Variants in GALNT13 observed in about 807,000 individuals in gnomAD.
The protein encoded by GALNT13 is UDP-GalNAc:polypeptide N-acetylgalactosaminyltransferase 13.
GALNT13 carries 28 observed loss-of-function variants against 64.2 expected under a neutral mutation model. The observed-to-expected ratio is 0.44, with a 90% confidence interval of 0.32 to 0.60. GALNT13 has a LOEUF of 0.60. Among genes scored for constraint, GALNT13 ranks in the 20% least tolerant of loss-of-function variants. GALNT13 has a pLI of 0.05. For synonymous variants in GALNT13, 214 were observed against 224.6 expected (o/e 0.95, Z 0.42); for missense variants, 577 against 669.8 (o/e 0.86, Z 1.53).
chr2:154,446,496 C>G, intron 12 of GALNT13: 1 of 1,410,074 alleles, frequency 7.1e-7, no homozygotes, highest in Non-Finnish European at 9.4e-7. Context: ...TTGCATGTTG[C>G]CTAGGATGAT....
At chr2:154,114,637 A>G (rs1194651614) in intron 3 of GALNT13, among the ~76,000 whole-genome samples, 3 of 152,242 alleles carry the variant, frequency 2.0e-5, no homozygotes, top group African/African-American at 7.2e-5. Flanking sequence ...CTGGGTCTGT[A>G]AACTGGATCA....
At chr2:154,023,326 T>A (rs778966988) in intron 3 of GALNT13, among the ~76,000 whole-genome samples, 1 of 152,188 alleles carries the variant, frequency 6.6e-6, no homozygotes, top group Non-Finnish European at 1.5e-5. Flanking sequence ...TGTGGGAGTA[T>A]AAGTCTCTTT....
the GALNT13 span, among the ~76,000 whole-genome samples, chr2:153,587,520 G>C: frequency 6.6e-6 from 1 of 152,168 alleles, no homozygotes; most frequent in Admixed American, 6.5e-5. Context: ...AGCAGGCAAA[G>C]AGAGAGAACT....
the GALNT13 span, among the ~76,000 whole-genome samples, chr2:153,190,583 A>G: frequency 1.3e-5 from 2 of 151,990 alleles, no homozygotes; most frequent in East Asian, 3.8e-4. Context: ...TTGGTTTCAT[A>G]CAAATTTTAG....
the GALNT13 span, among the ~76,000 whole-genome samples, chr2:153,572,614 T>C: frequency 6.6e-6 from 1 of 151,982 alleles, no homozygotes; most frequent in Non-Finnish European, 1.5e-5. Context: ...GCTTTTGCTG[T>C]ATCCCATAGG....
At chr2:153,864,381 A>G in the GALNT13 span, among the ~76,000 whole-genome samples, 2 of 152,344 alleles carry the variant, frequency 1.3e-5, no homozygotes, top group African/African-American at 4.8e-5. Flanking sequence ...TTAACTGTTC[A>G]TCAATAAATG....
intron 3 of GALNT13, among the ~76,000 whole-genome samples, chr2:153,987,142 C>T (rs1157889461): frequency 6.6e-6 from 1 of 151,874 alleles, no homozygotes; most frequent in African/African-American, 2.4e-5. Flanking sequence ...TAGATTGGAT[C>T]TAAAGGATAA....
At chr2:153,282,694 G>T in the GALNT13 span, among the ~76,000 whole-genome samples, 1 of 152,134 alleles carries the variant, frequency 6.6e-6, no homozygotes. Context: ...AGAATTACAG[G>T]TATGAGCCAC....
At chr2:154,399,670 CACT>C (rs1193496348) in intron 10 of GALNT13, among the ~76,000 whole-genome samples, 3 of 152,074 alleles carry the variant, frequency 2.0e-5, no homozygotes, top group Non-Finnish European at 4.4e-5. Context: ...CTCTTAATAC[CACT>C]ACAATGGGGA....
intron 6 of GALNT13, among the ~76,000 whole-genome samples, chr2:154,243,559 A>C (rs1393809431): frequency 6.6e-6 from 1 of 152,248 alleles, no homozygotes; most frequent in Non-Finnish European, 1.5e-5. Context: ...ACACATTTTG[A>C]AATCTGGAAA....
chr2:153,434,257 C>G, the GALNT13 span, among the ~76,000 whole-genome samples: 1 of 152,072 alleles, frequency 6.6e-6, no homozygotes, highest in Non-Finnish European at 1.5e-5. Context: ...GGTTCCAAGT[C>G]TTTGCTATTG....
At chr2:154,021,993 G>A (rs1363125806) in intron 3 of GALNT13, among the ~76,000 whole-genome samples, 3 of 152,100 alleles carry the variant, frequency 2.0e-5, no homozygotes, top group South Asian at 2.1e-4. Flanking sequence ...CTGTTTATAT[G>A]CTGGATTACA....
Position 154,039,992 on chromosome 2 carries a change from A to T in GALNT13, c.142+95353A>T, listed in dbSNP as rs897478030. 1.2e-4 allele frequency among the ~76,000 whole-genome samples: 17 copies of T among 140,858 alleles called. 1 individual carries two copies. The highest frequency in any genetic ancestry group is 4.1e-4 in the African/African-American group (17 of 41,024). 92.4% of individuals were successfully genotyped at this position (140,858 alleles called of 152,430 possible). A position where few individuals can be genotyped will look rare whatever the true frequency, so the allele number is the denominator to read the frequency against. On this transcript the variant is annotated intron_variant, in intron 3 of 12. Transcript: ENST00000392825. ...TAGCTTACTCTGGCCTCTTATGTTG[A>T]CAAACTGTGTTTTTTAAGTTCACTT...
the GALNT13 span, among the ~76,000 whole-genome samples, chr2:153,528,889 C>G: frequency 6.6e-6 from 1 of 151,694 alleles, no homozygotes; most frequent in Non-Finnish European, 1.5e-5. Flanking sequence ...AATAGAAACA[C>G]AACATTTCAC....
At chr2:153,079,349 A>G in the GALNT13 span, among the ~76,000 whole-genome samples, 1 of 152,238 alleles carries the variant, frequency 6.6e-6, no homozygotes, top group African/African-American at 2.4e-5. Context: ...GGGATACCAA[A>G]CCAAATGATA....
chr2:153,758,117 T>A, the GALNT13 span, among the ~76,000 whole-genome samples: 2 of 152,178 alleles, frequency 1.3e-5, no homozygotes, highest in African/African-American at 4.8e-5. Context: ...ACAGTTTCAC[T>A]TTTTACATCA....
intron 2 of GALNT13, among the ~76,000 whole-genome samples, chr2:153,907,443 T>A (rs1558846256): frequency 6.6e-6 from 1 of 151,934 alleles, no homozygotes; most frequent in Non-Finnish European, 1.5e-5. Context: ...ATGAGCAGGT[T>A]TGTTATGTAG....
chr2:153,202,839 T>G, the GALNT13 span, among the ~76,000 whole-genome samples: 6 of 152,230 alleles, frequency 3.9e-5, no homozygotes, highest in African/African-American at 1.4e-4. Flanking sequence ...AATTCAAAAT[T>G]TAAAAATACG....
chr2:153,765,437 C>T, the GALNT13 span, among the ~76,000 whole-genome samples: 1 of 152,122 alleles, frequency 6.6e-6, no homozygotes, highest in Non-Finnish European at 1.5e-5. Flanking sequence ...GACCTGTAGC[C>T]CCTTCATTTT....
Sources: gnomAD v4.1 joint callset for allele counts (sites outside exome capture counted in the v4.1 genomes callset) on GRCh38, gnomAD v4.1.1 for gene constraint, MANE v1.5 for transcripts, NCBI Gene and HGNC (gene_info 2026-07-23, HGNC 2026-07-21) for gene names.